Variants in PDE1C observed in about 807,000 individuals in gnomAD.
PDE1C encodes the protein phosphodiesterase 1C.
PDE1C carries 62 observed loss-of-function variants against 93.1 expected under a neutral mutation model. That is an observed-to-expected ratio of 0.67 (90% CI 0.54 to 0.82). PDE1C has a LOEUF of 0.82. PDE1C is among the 40% of genes least tolerant of loss of function. PDE1C has a pLI of 0.00. For missense variants in PDE1C, 742 were observed against 884.6 expected (o/e 0.84, Z 2.04); for synonymous variants, 325 against 310.1 (o/e 1.05, Z -0.50).
chr7:32,035,306 A>G (rs559615751), intron 2 of PDE1C, among the ~76,000 whole-genome samples: 1 of 152,146 alleles, frequency 6.6e-6, no homozygotes, highest in Non-Finnish European at 1.5e-5. Flanking sequence ...CCACACAGAA[A>G]CATTCCGAGC....
chr7:31,889,910 G>T (rs1223258354), intron 2 of PDE1C, among the ~76,000 whole-genome samples: 1 of 152,108 alleles, frequency 6.6e-6, no homozygotes, highest in African/African-American at 2.4e-5. Flanking sequence ...TTATAAATAA[G>T]TGTTTCTTAA....
At chr7:32,350,305 C>T (rs974113167) in intron 1 of PDE1C, among the ~76,000 whole-genome samples, 24 of 152,098 alleles carry the variant, frequency 1.6e-4, no homozygotes, top group African/African-American at 5.1e-4. Context: ...CCAGACATCA[C>T]GTCATTTCAT....
At chr7:32,095,799 C>G (rs1011119018) in intron 3 of PDE1C, among the ~76,000 whole-genome samples, 6 of 152,258 alleles carry the variant, frequency 3.9e-5, no homozygotes, top group African/African-American at 1.2e-4. Context: ...AATATACTGT[C>G]CAGGCCTTTA....
Position 32,004,225 on chromosome 7 carries a change from A to G in PDE1C, c.128+47329T>C, listed in dbSNP as rs376898982. Among the ~76,000 whole-genome samples, 18 of 150,744 alleles carry G rather than the reference A, an allele frequency of 1.2e-4. 3 individuals carry two copies. The highest frequency in any genetic ancestry group is 6.6e-5 in the Admixed American group (1 of 15,108). On this transcript the variant is annotated intron_variant, in intron 2 of 17. Coordinates refer to ENST00000396191, the MANE Select transcript of PDE1C (RefSeq NM_001191057.4). ...GAAAACCTCTGTTGTTTTACTGCCTATGAACACAAAATGGCCCCCAAAAAA... is the reference window on the plus strand; with the variant it reads ...GAAAACCTCTGTTGTTTTACTGCCTGTGAACACAAAATGGCCCCCAAAAAA...
chr7:32,377,734 C>T (rs1053327241), intron 1 of PDE1C, among the ~76,000 whole-genome samples: 1 of 152,122 alleles, frequency 6.6e-6, no homozygotes, highest in Admixed American at 6.5e-5. Context: ...AAGTAACTTG[C>T]CCAGGGTCAC....
intron 3 of PDE1C, among the ~76,000 whole-genome samples, chr7:32,143,718 A>C (rs546221962): frequency 6.6e-6 from 1 of 152,244 alleles, no homozygotes; most frequent in Admixed American, 6.5e-5. Flanking sequence ...TTTATTTTCT[A>C]TCTTTCCTCC....
chr7:31,944,274 TG>T (rs1806283324), intron 2 of PDE1C, among the ~76,000 whole-genome samples: 1 of 152,228 alleles, frequency 6.6e-6, no homozygotes, highest in South Asian at 2.1e-4. Context: ...AGCACTCACC[TG>T]GGCCAAGCTT....
the PDE1C span, among the ~76,000 whole-genome samples, chr7:31,676,133 AAG>A: frequency 6.6e-6 from 1 of 152,346 alleles, no homozygotes; most frequent in South Asian, 2.1e-4. Flanking sequence ...GATAGAAAGC[AAG>A]AGATACGCCA....
chr7:31,780,726 C>T (rs1237295440), intron 16 of PDE1C, among the ~76,000 whole-genome samples: 1 of 151,964 alleles, frequency 6.6e-6, no homozygotes, highest in East Asian at 1.9e-4. Flanking sequence ...CTGTGTCATA[C>T]AACACAGTTT....
At chr7:31,838,178 G>T (rs1270477805) in intron 9 of PDE1C, among the ~76,000 whole-genome samples, 2 of 151,912 alleles carry the variant, frequency 1.3e-5, no homozygotes, top group African/African-American at 4.8e-5. Flanking sequence ...TATGATACAT[G>T]GAATACACAT....
At chr7:31,794,542 G>A (rs567002934) in intron 16 of PDE1C, among the ~76,000 whole-genome samples, 8 of 152,014 alleles carry the variant, frequency 5.3e-5, no homozygotes, top group South Asian at 2.1e-4. Flanking sequence ...ACTGCCCAAG[G>A]TGTCTTACTG....
intron 1 of PDE1C, among the ~76,000 whole-genome samples, chr7:32,292,308 T>C (rs1812385540): frequency 6.6e-6 from 1 of 152,206 alleles, no homozygotes; most frequent in African/African-American, 2.4e-5. Flanking sequence ...ATCTACCCTC[T>C]AAGCAAATTT....
intron 6 of PDE1C, among the ~76,000 whole-genome samples, chr7:31,873,068 G>C (rs779012212): frequency 3.9e-5 from 6 of 152,086 alleles, no homozygotes. Flanking sequence ...GAATCTAAAT[G>C]GGTCTCTCCT....
chr7:32,033,582 C>T (rs992131110), intron 2 of PDE1C, among the ~76,000 whole-genome samples: 2 of 152,100 alleles, frequency 1.3e-5, no homozygotes, highest in Admixed American at 1.3e-4. Flanking sequence ...AGTCAGCTTC[C>T]TGACCTTGTA....
chr7:31,831,612 A>G lies in PDE1C; in HGVS notation c.1204-3239T>C, dbSNP rs1441784392. On this transcript the variant is annotated intron_variant, in intron 11 of 17. Transcript: ENST00000396191. ...TACTGCTCTGATTGCCCTGTGGTAC[A>G]AATCTGCAAATAGTTGGTCTGAAAA... Among the ~76,000 whole-genome samples the G allele has an allele frequency of 2.0e-5, 3 of 152,292 alleles. No homozygotes were observed. The East Asian group carries it at 5.8e-4, about 29-fold the overall frequency.
intron 1 of PDE1C, among the ~76,000 whole-genome samples, chr7:32,304,940 C>G (rs1204383852): frequency 2.0e-5 from 3 of 152,142 alleles, no homozygotes; most frequent in Non-Finnish European, 2.9e-5. Context: ...CTGTTTTCTA[C>G]AGAGTGCTTA....
chr7:31,622,838 C>G, the PDE1C span, among the ~76,000 whole-genome samples: 3 of 151,880 alleles, frequency 2.0e-5, no homozygotes, highest in South Asian at 2.1e-4. Flanking sequence ...TTGAAATGAT[C>G]AACAAAATTG....
intron 1 of PDE1C, among the ~76,000 whole-genome samples, chr7:32,298,010 C>A: frequency 2.9e-5 from 1 of 34,170 alleles, no homozygotes; most frequent in African/African-American, 1.9e-4. Flanking sequence ...CTCTCTCTCT[C>A]TCTCTCCCTC....
the PDE1C span, among the ~76,000 whole-genome samples, chr7:31,737,800 CAA>C: frequency 8.6e-5 from 8 of 93,152 alleles, no homozygotes; most frequent in Non-Finnish European, 8.7e-5. Context: ...CACTCCATCT[CAA>C]AAAAAAAAAA....
Sources: gnomAD v4.1 joint callset for allele counts (sites outside exome capture counted in the v4.1 genomes callset) on GRCh38, gnomAD v4.1.1 for gene constraint, MANE v1.5 for transcripts, NCBI Gene and HGNC (gene_info 2026-07-23, HGNC 2026-07-21) for gene names.